Variants in MPPED1 observed in about 807,000 individuals in gnomAD.
MPPED1 encodes the protein metallophosphoesterase domain containing 1.
A neutral mutation model predicts 36.2 loss-of-function variants in MPPED1; 16 were observed. The observed-to-expected ratio is 0.44, with a 90% CI of 0.30 to 0.67. MPPED1 has a LOEUF of 0.67. Among genes scored for constraint, MPPED1 ranks in the 30% least tolerant of loss-of-function variants. The pLI is 0.10. For missense variants in MPPED1, 307 were observed against 453.4 expected (o/e 0.68, Z 2.93); for synonymous variants, 199 against 191.3 (o/e 1.04, Z -0.33).
intron 4 of MPPED1, among the ~76,000 whole-genome samples, chr22:43,481,258 G>A (rs1931739992): frequency 6.6e-6 from 1 of 152,084 alleles, no homozygotes; most frequent in Admixed American, 6.5e-5. Flanking sequence ...CACCCTCCTG[G>A]CCTAGCACCA....
chr22:43,428,496 A>C (rs1929560035), intron 2 of MPPED1, among the ~76,000 whole-genome samples: 1 of 152,166 alleles, frequency 6.6e-6, no homozygotes, highest in Non-Finnish European at 1.5e-5. Context: ...TGGTGGCTGA[A>C]TGGATTTCCA....
Position 43,419,392 on chromosome 22 carries a change from C to T in MPPED1, c.-78-5516C>T, listed in dbSNP as rs74748581. ...TTTCTGAGACTGAGTGGGCTTGTGT[C>T]AGGAAACGAGGGTGAACGCAGGGGT... On this transcript the variant is annotated intron_variant, in intron 1 of 6. Coordinates refer to ENST00000443721, the MANE Select transcript of MPPED1 (RefSeq NM_001044370.2). 4.7e-3 allele frequency among the ~76,000 whole-genome samples: 710 copies of T among 152,228 alleles called. 2 individuals are homozygous for T. The highest frequency in any genetic ancestry group is 8.2e-3 in the Non-Finnish European group (559 of 68,032).
intron 6 of MPPED1, among the ~76,000 whole-genome samples, chr22:43,503,901 C>T (rs1163813243): frequency 3.3e-5 from 5 of 152,152 alleles, no homozygotes; most frequent in Admixed American, 3.3e-4. Flanking sequence ...TCCCTTCCTC[C>T]CCCAGCACCA....
chr22:43,472,377 C>G (rs563654162), intron 3 of MPPED1, among the ~76,000 whole-genome samples: 18 of 152,238 alleles, frequency 1.2e-4, no homozygotes, highest in African/African-American at 4.3e-4. Context: ...CATTGATTAT[C>G]TTCTATAATA....
chr22:43,497,704 A>T (rs1367842634), intron 4 of MPPED1, among the ~76,000 whole-genome samples: 1 of 147,168 alleles, frequency 6.8e-6, no homozygotes, highest in Non-Finnish European at 1.5e-5. Flanking sequence ...CTCTACCTGG[A>T]CTCCCTGGCC....
In MPPED1 at chr22:43,424,994, C is replaced by T. The variant is rs975007536; in HGVS notation, c.9C>T (p.Arg3=). The change falls in exon 2 of 7, where the codon CGC becomes CGT. Residue 3 remains arginine (R), a synonymous_variant. Coordinates refer to ENST00000443721, the MANE Select transcript of MPPED1 (RefSeq NM_001044370.2). MW[R]SRWDASVLKA... ...GCGGCCGGCGGAGGTCCATGTGGCG[C>T]TCTAGGTGGGATGCCAGCGTCCTGA... is the stretch of plus-strand genomic sequence containing the variant. The T allele has an allele frequency of 1.3e-6, 2 of 1,596,992 alleles. No individual in the cohort carries two copies. Among genetic ancestry groups the T allele is most frequent in the African/African-American group, 2.7e-5 (2 of 74,530 alleles).
chr22:43,442,055 T>G (rs868514149), intron 3 of MPPED1, among the ~76,000 whole-genome samples: 18 of 152,032 alleles, frequency 1.2e-4, no homozygotes, highest in Non-Finnish European at 2.6e-4. Context: ...ATTAGGATCA[T>G]GTGTGGGAAA....
At chr22:43,428,620 T>C (rs550168105) in intron 2 of MPPED1, among the ~76,000 whole-genome samples, 1 of 152,278 alleles carries the variant, frequency 6.6e-6, no homozygotes, top group Admixed American at 6.5e-5. Context: ...GATGGAGCCT[T>C]ATTTAATAAA....
intron 3 of MPPED1, among the ~76,000 whole-genome samples, chr22:43,454,877 C>A (rs1326453341): frequency 4.6e-5 from 7 of 152,130 alleles, no homozygotes; most frequent in African/African-American, 1.7e-4. Context: ...TATTCAGATT[C>A]TTCAAGTGCA....
chr22:43,500,908 A>G (rs1345366957), intron 5 of MPPED1, among the ~76,000 whole-genome samples: 1 of 152,004 alleles, frequency 6.6e-6, no homozygotes, highest in African/African-American at 2.4e-5. Flanking sequence ...AGGGTGAGGT[A>G]GACAAGGGGA....
intron 3 of MPPED1, among the ~76,000 whole-genome samples, chr22:43,456,478 A>G (rs1930758291): frequency 6.6e-6 from 1 of 152,072 alleles, no homozygotes; most frequent in South Asian, 2.1e-4. Context: ...GATCTCTTCT[A>G]TTCCCAGTTT....
chr22:43,415,244 A>AAAAAAAAAAAAAAAAAAAAAAAAAC (rs1929039712), intron 1 of MPPED1, among the ~76,000 whole-genome samples: 1 of 151,358 alleles, frequency 6.6e-6, no homozygotes, highest in Non-Finnish European at 1.5e-5. Context: ...AAAAAAAAAA[A>AAAAAAAAAAAAAAAAAAAAAAAAAC]AAAGGAAAGA....
At chr22:43,418,152 A>C (rs1346329333) in intron 1 of MPPED1, 2 of 456,190 alleles carry the variant, frequency 4.4e-6, no homozygotes, top group Non-Finnish European at 8.8e-6. Flanking sequence ...CCGGCCTGGC[A>C]CTGGCTTTGA....
intron 4 of MPPED1, among the ~76,000 whole-genome samples, chr22:43,495,576 TGGA>T (rs1932275449): frequency 1.1e-5 from 1 of 95,208 alleles, no homozygotes; most frequent in Non-Finnish European, 2.3e-5. Flanking sequence ...GAGGTGATGG[TGGA>T]GGTGGTGGTG....
At chr22:43,464,722 G>A (rs1444963575) in intron 3 of MPPED1, among the ~76,000 whole-genome samples, 3 of 152,130 alleles carry the variant, frequency 2.0e-5, no homozygotes, top group African/African-American at 7.2e-5. Context: ...CTGGGACTCT[G>A]GCCACAGCTC....
chr22:43,424,250 C>T (rs1015717517), intron 1 of MPPED1, among the ~76,000 whole-genome samples: 3 of 152,198 alleles, frequency 2.0e-5, no homozygotes, highest in Admixed American at 6.5e-5. Context: ...TTCCTCCTCC[C>T]TCACCATCTC....
At chr22:43,488,847 G>T (rs1045701129) in intron 4 of MPPED1, among the ~76,000 whole-genome samples, 16 of 152,360 alleles carry the variant, frequency 1.1e-4, no homozygotes, top group African/African-American at 3.8e-4. Context: ...CTCCTCAGGC[G>T]CTGTGGTGTG....
At position 43,480,814 on chromosome 22, in the gene MPPED1, T is replaced by C. The variant is rs935128141; in HGVS notation, c.632+5853T>C. On this transcript the variant is annotated intron_variant, in intron 4 of 6. Transcript: ENST00000443721. ...TGAAATAATGAAGACTTATTTCTTT[T>C]TCTTTTCTTTTCTTTTTTTTTTTTT... 9.2e-5 allele frequency among the ~76,000 whole-genome samples: 14 copies of C among 151,520 alleles called. No individual in the cohort carries two copies. The South Asian group carries it at 2.9e-3, about 32-fold the overall frequency.
chr22:43,464,305 G>C (rs926916099), intron 3 of MPPED1, among the ~76,000 whole-genome samples: 2 of 122,456 alleles, frequency 1.6e-5, no homozygotes, highest in African/African-American at 7.2e-5. Flanking sequence ...GTGTGTGTGT[G>C]TGTGTGTGTG....
Sources: gnomAD v4.1 joint callset for allele counts (sites outside exome capture counted in the v4.1 genomes callset) on GRCh38, gnomAD v4.1.1 for gene constraint, MANE v1.5 for transcripts, NCBI Gene and HGNC (gene_info 2026-07-23, HGNC 2026-07-21) for gene names.